The following TNK2 variants were observed in gnomAD, a reference collection of about 807,000 sequenced individuals.
TNK2 encodes activated CDC42 kinase 1.
Under a neutral mutation model 101.8 loss-of-function variants are expected in TNK2, and 83 were observed. That is an observed-to-expected ratio of 0.82 (90% CI 0.68 to 0.98). The LOEUF (loss-of-function observed/expected upper bound fraction) is 0.98, where lower values mean the gene tolerates loss of function less well. Among genes scored for constraint, TNK2 ranks in the 50% least tolerant of loss-of-function variants. TNK2 has a pLI of 0.00. For synonymous variants in TNK2, 804 were observed against 633.0 expected (o/e 1.27, Z -4.06); for missense variants, 1,665 against 1,483.2 (o/e 1.12, Z -2.01).
chr3:195,883,145 C>G lies in TNK2; in HGVS notation c.609+12G>C, dbSNP rs780847735. ...CTCTCCCTGCCCGCCCCCTCCCGCC[C>G]GCAGTACTCACCATCTTCATGGGCG... On this transcript the variant is annotated intron_variant, in intron 5 of 15. Coordinates refer to ENST00000672887, the MANE Select transcript of TNK2 (RefSeq NM_001382273.1). 4.1e-5 allele frequency: 66 copies of G among 1,601,194 alleles called. No individual in the cohort carries two copies. The highest frequency in any genetic ancestry group is 5.4e-5 in the Non-Finnish European group (64 of 1,179,068).
Position 195,894,879 on chromosome 3 carries a change from A to G in TNK2, c.-18-6273T>C, listed in dbSNP as rs367687028. The G allele has an allele frequency of 6.0e-5, 13 of 216,366 alleles. No homozygotes were observed. In the East Asian group the frequency reaches 1.3e-3, roughly 21 times the overall value. The allele number at this position is 216,366 out of a possible 1,614,324, so 13.4% of individuals were successfully genotyped here. A position where few individuals can be genotyped will look rare whatever the true frequency, so the allele number is the denominator to read the frequency against. ...ACCATATTTTCAAAAGCAAACAAGGACATCTGGCTTGATATTCATATTCAG... is the reference window on the plus strand; with the variant it reads ...ACCATATTTTCAAAAGCAAACAAGGGCATCTGGCTTGATATTCATATTCAG... On this transcript the variant is annotated intron_variant, in intron 1 of 15. Coordinates refer to ENST00000672887, the MANE Select transcript of TNK2 (RefSeq NM_001382273.1).
chr3:195,872,794 T>C, intron 9 of TNK2: 1 of 292,074 alleles, frequency 3.4e-6, no homozygotes, highest in Admixed American at 4.8e-5. Context: ...CCAGCAGACC[T>C]GGGACCCAAC....
intron 15 of TNK2, among the ~76,000 whole-genome samples, chr3:195,864,852 G>A (rs114951929): frequency 0.056 from 7,566 of 135,440 alleles, 432 homozygotes; most frequent in Non-Finnish European, 0.084. Context: ...AGAAACACCC[G>A]AGACAGTGAC....
In TNK2 at chr3:195,867,479, G is replaced by A. The variant is rs777535887; in HGVS notation, c.2819C>T (p.Thr940Ile). ...CCGGGCCCCTGGGTTGCTGTTGTTG[G>A]TGGAGAAGTTGGCCTTGGGGTCCAA... ...AALDPKANFS[T>I]NNSNPGARPP... Residue 940 changes from threonine (T) to isoleucine (I), a missense_variant, in exon 13 of 16, where the codon ACC (threonine) becomes ATC (isoleucine). Around this residue, in one of 3 missense-constraint regions of TNK2, gnomAD observed 1,136 missense variants for 894.9 expected, o/e 1.27. Transcript: ENST00000672887. The A allele has an allele frequency of 1.9e-6, 3 of 1,579,710 alleles. No homozygotes were observed. Among genetic ancestry groups the A allele is most frequent in the African/African-American group, 2.7e-5 (2 of 74,244 alleles).
At chr3:195,904,712 T>TA (rs1265658432) in intron 1 of TNK2, among the ~76,000 whole-genome samples, 1 of 152,110 alleles carries the variant, frequency 6.6e-6, no homozygotes, top group African/African-American at 2.4e-5. Context: ...TTTTTAAAAA[T>TA]AAAAAACCAA....
chr3:195,892,980 C>T (rs1406451191), intron 1 of TNK2, among the ~76,000 whole-genome samples: 1 of 152,036 alleles, frequency 6.6e-6, no homozygotes, highest in Non-Finnish European at 1.5e-5. Flanking sequence ...AAGCTCCTGT[C>T]TCTGGCTTCT....
intron 6 of TNK2, among the ~76,000 whole-genome samples, chr3:195,880,772 C>A (rs1427044079): frequency 9.9e-5 from 1 of 10,062 alleles, no homozygotes; most frequent in Admixed American, 8.1e-4. Context: ...TGTAACACCC[C>A]CCCCAGCAAT....
rs374759591 is a variant in TNK2, at chr3:195,895,056, C to T, written c.-18-6450G>A. ...GGGTCCCAGGGGATCCATGCACACA[C>T]AGGCAGATGCCAGCATCACTAAGTC... is the stretch of plus-strand genomic sequence containing the variant. On this transcript the variant is annotated intron_variant, in intron 1 of 15. Coordinates refer to ENST00000672887, the MANE Select transcript of TNK2 (RefSeq NM_001382273.1). Among the ~76,000 whole-genome samples the T allele has an allele frequency of 2.0e-5, 3 of 152,196 alleles. No individual in the cohort carries two copies. In the East Asian group the frequency reaches 5.8e-4, roughly 29 times the overall value.
chr3:195,869,753 G>A, intron 11 of TNK2: 1 of 613,814 alleles, frequency 1.6e-6, no homozygotes, highest in Non-Finnish European at 2.9e-6. Context: ...AGGACCGGGA[G>A]ATGGAGGAGG....
At chr3:195,887,579 C>T (rs1008619631) in intron 2 of TNK2, among the ~76,000 whole-genome samples, 2 of 152,144 alleles carry the variant, frequency 1.3e-5, no homozygotes, top group Non-Finnish European at 1.5e-5. Flanking sequence ...TCTAACTTGA[C>T]ACATTATTAC....
intron 1 of TNK2, among the ~76,000 whole-genome samples, chr3:195,892,215 C>T (rs1308177680): frequency 6.6e-6 from 1 of 152,248 alleles, no homozygotes; most frequent in African/African-American, 2.4e-5. Flanking sequence ...TACTCTGTGG[C>T]CGGCGTGCAA....
chr3:195,897,251 C>T (rs1760691077), intron 1 of TNK2, among the ~76,000 whole-genome samples: 1 of 152,242 alleles, frequency 6.6e-6, no homozygotes, highest in Admixed American at 6.5e-5. Context: ...CTGCACCAGG[C>T]AACCCTGCAC....
Position 195,886,944 on chromosome 3 carries a change from C to A in TNK2, c.234+33G>T. 6.2e-7 allele frequency: 1 copy of A among 1,608,066 alleles called. No homozygotes were observed. The highest frequency in any genetic ancestry group is 8.5e-7 in the Non-Finnish European group (1 of 1,174,550). On this transcript the variant is annotated intron_variant, in intron 3 of 15. Transcript: ENST00000672887. This position sits in a 1 kb window ranked among gnomAD's most constrained non-coding sequence, Gnocchi z 4.2. ...CGGAGGGGGGCGTTCGAGGCTGCCC[C>A]CCTCCCACCTCCTCACCCACCTCCT... is the stretch of plus-strand genomic sequence containing the variant.
intron 9 of TNK2, among the ~76,000 whole-genome samples, chr3:195,877,220 A>G (rs915562145): frequency 2.0e-5 from 3 of 152,052 alleles, no homozygotes; most frequent in Admixed American, 6.5e-5. Flanking sequence ...ATTCTTCCCC[A>G]GCATAACACC....
chr3:195,875,787 C>T (rs900328412), intron 9 of TNK2, among the ~76,000 whole-genome samples: 1 of 152,150 alleles, frequency 6.6e-6, no homozygotes, highest in Admixed American at 6.5e-5. Flanking sequence ...CCAACACCTC[C>T]GCATGAACCT....
chr3:195,870,060 C>T, intron 11 of TNK2, 54 bp downstream of exon 11: 1 of 1,327,892 alleles, frequency 7.5e-7, no homozygotes, highest in Non-Finnish European at 1.0e-6. Flanking sequence ...AAGACAGTGC[C>T]CCTTCCTGAG....
chr3:195,870,784 CA>C (rs1744584802), intron 10 of TNK2, among the ~76,000 whole-genome samples: 1 of 152,258 alleles, frequency 6.6e-6, no homozygotes, highest in Non-Finnish European at 1.5e-5. Context: ...GGGCAGAGGG[CA>C]CCAGCCTCTC....
chr3:195,872,381 A>G lies in TNK2; in HGVS notation c.1346T>C (p.Leu449Pro). The change falls in exon 10 of 16, where the codon CTG (leucine) becomes CCG (proline). Residue 449 changes from leucine (L) to proline (P), a missense_variant. By Grantham distance (98) the Leu-to-Pro change is moderately conservative. Coordinates refer to ENST00000672887, the MANE Select transcript of TNK2 (RefSeq NM_001382273.1). ...GGGCTGGCTGATGTCCTGGGCCGAC[A>G]GGCCGGCCACGGAGGTCACCACGTT... is the stretch of plus-strand genomic sequence containing the variant. ...PRNVVTSVAGLSAQDISQPLQ... is the reference protein window; with the variant it reads ...PRNVVTSVAGPSAQDISQPLQ... 1 of 1,613,350 alleles carries G rather than the reference A, an allele frequency of 6.2e-7. No homozygotes were observed. Among genetic ancestry groups the G allele is most frequent in the Non-Finnish European group, 8.5e-7 (1 of 1,179,884 alleles).
At chr3:195,890,742 T>C (rs1027930120) in intron 1 of TNK2, among the ~76,000 whole-genome samples, 1 of 152,200 alleles carries the variant, frequency 6.6e-6, no homozygotes, top group African/African-American at 2.4e-5. Flanking sequence ...AGTTTTAATA[T>C]AAAATAAATT....
Sources: allele counts gnomAD v4.1 joint callset (sites outside exome capture counted in the v4.1 genomes callset), GRCh38; gene constraint gnomAD v4.1.1; regional missense constraint gnomAD v4.1.1; non-coding constraint Gnocchi (gnomAD v3.1); transcripts MANE v1.5; gene names NCBI Gene and HGNC (gene_info 2026-07-23, HGNC 2026-07-21).